PPP6R2: variants seen among roughly 807,000 people sequenced by gnomAD.
The protein encoded by PPP6R2 is serine/threonine-protein phosphatase 6 regulatory subunit 2.
Under a neutral mutation model 100.2 loss-of-function variants are expected in PPP6R2, and 62 were observed. That is an observed-to-expected ratio of 0.62 (90% confidence interval 0.50 to 0.76). The LOEUF is 0.76. PPP6R2 is among the 30% of genes least tolerant of loss of function. The pLI is 0.00. For synonymous variants in PPP6R2, 525 were observed against 514.7 expected (o/e 1.02, Z -0.27); for missense variants, 1,142 against 1,276.3 (o/e 0.89, Z 1.60).
chr22:50,365,952 A>C (rs1248010642), intron 1 of PPP6R2, among the ~76,000 whole-genome samples: 1 of 151,856 alleles, frequency 6.6e-6, no homozygotes, highest in Non-Finnish European at 1.5e-5. Context: ...TCCCCTCATT[A>C]TGGTTTATGA....
Position 50,423,674 on chromosome 22 carries a change from A to C in PPP6R2, c.1125+60A>C. On this transcript the variant is annotated intron_variant, in intron 10 of 23. Transcript: ENST00000612753. The surrounding 1 kb of genome is among the most constrained non-coding windows in gnomAD (Gnocchi z 4.8). ...TGAGTGTGCCGGGCATGGCCTGTGG[A>C]CTTGTCAGGAGCAGCAGAGCAGGGC... 6.3e-7 allele frequency: 1 copy of C among 1,593,438 alleles called. No homozygotes were observed.
intron 1 of PPP6R2, among the ~76,000 whole-genome samples, chr22:50,348,824 T>G (rs1187626199): frequency 6.6e-6 from 1 of 151,960 alleles, no homozygotes; most frequent in Admixed American, 6.6e-5. Context: ...TCCCAGCACT[T>G]TGGGAGGCTG....
At chr22:50,365,708 G>A (rs1048077997) in intron 1 of PPP6R2, among the ~76,000 whole-genome samples, 2 of 147,000 alleles carry the variant, frequency 1.4e-5, no homozygotes, top group African/African-American at 5.1e-5. Context: ...CCATTTAAAT[G>A]TCCTTATCAA....
intron 1 of PPP6R2, among the ~76,000 whole-genome samples, chr22:50,358,588 C>T (rs759069527): frequency 2.0e-4 from 30 of 152,146 alleles, no homozygotes; most frequent in Non-Finnish European, 3.7e-4. Flanking sequence ...GAAATTGTCA[C>T]TATAGTCAGG....
At chr22:50,350,562 T>C (rs2044826154) in intron 1 of PPP6R2, among the ~76,000 whole-genome samples, 1 of 151,532 alleles carries the variant, frequency 6.6e-6, no homozygotes, top group African/African-American at 2.4e-5. Flanking sequence ...ATAAGAAAAT[T>C]AGGCTGGGCG....
intron 15 of PPP6R2, among the ~76,000 whole-genome samples, 163 bp downstream of exon 15, chr22:50,437,231 C>G (rs1388450812): frequency 6.6e-6 from 1 of 152,204 alleles, no homozygotes; most frequent in Non-Finnish European, 1.5e-5. Context: ...GGGAGAACCC[C>G]AAAGTCACTC....
chr22:50,438,059 C>A, intron 17 of PPP6R2, 115 bp from the exon 18 acceptor site: 2 of 1,511,018 alleles, frequency 1.3e-6, no homozygotes, highest in Non-Finnish European at 1.8e-6. Context: ...CCGTCCTCCC[C>A]TCCAGCCCGG....
At position 50,436,455 on chromosome 22, in the gene PPP6R2, G is replaced by C; in HGVS notation, c.1602+3G>C. On this transcript the variant is annotated splice_donor_region_variant and intron_variant, in intron 14 of 23. Coordinates refer to ENST00000612753, the MANE Select transcript of PPP6R2 (RefSeq NM_001242898.2). ...ACCGCAGGAACACTGTGGACCTGGT[G>C]AGGAGGCTCGGGGCTGCCCCCTCGG... is the stretch of plus-strand genomic sequence containing the variant. 6.3e-7 allele frequency: 1 copy of C among 1,583,312 alleles called. No individual in the cohort carries two copies. The highest frequency in any genetic ancestry group is 2.3e-5 in the East Asian group (1 of 43,820).
intron 3 of PPP6R2, among the ~76,000 whole-genome samples, chr22:50,405,362 TGAGAGGCCTGGAGAGAGGC>T (rs1306377539): frequency 0.021 from 1,823 of 85,928 alleles, no homozygotes; most frequent in Middle Eastern, 0.056. Flanking sequence ...TGGAGAGAGG[TGAGAGGCCTGGAGAGAGGC>T]GAGAGGCCTG....
the PPP6R2 span, among the ~76,000 whole-genome samples, chr22:50,337,238 GGT>G: frequency 9.7e-5 from 13 of 134,264 alleles, no homozygotes; most frequent in Admixed American, 1.5e-4. Flanking sequence ...GTGGTGTATT[GGT>G]GTGTGTGTGT....
chr22:50,406,082 C>T (rs1379681076), intron 3 of PPP6R2, among the ~76,000 whole-genome samples: 7 of 80,178 alleles, frequency 8.7e-5, no homozygotes, highest in Middle Eastern at 0.013. Context: ...GCCTGGCAGG[C>T]GAGTGTGAAG....
intron 11 of PPP6R2, 83 bp from the exon 12 acceptor site, chr22:50,432,181 GC>G: frequency 7.8e-7 from 1 of 1,289,950 alleles, no homozygotes; most frequent in Non-Finnish European, 1.1e-6. Context: ...CCGCCAGCCA[GC>G]CCTGCCCAGT....
chr22:50,425,769 G>T (rs868800443), intron 10 of PPP6R2, among the ~76,000 whole-genome samples: 1 of 151,982 alleles, frequency 6.6e-6, no homozygotes, highest in Non-Finnish European at 1.5e-5. Flanking sequence ...CAGTGTCTCC[G>T]TGTGACAAGT....
chr22:50,403,945 C>G lies in PPP6R2; in HGVS notation c.228-2744C>G, dbSNP rs887451008. ...CCCCTCCAGCCGGTCGCGTGGACCA[C>G]CTTGGCTTAGGTCCAGTGCTAGGGC... On this transcript the variant is annotated intron_variant, in intron 3 of 23. Coordinates refer to ENST00000612753, the MANE Select transcript of PPP6R2 (RefSeq NM_001242898.2). Among the ~76,000 whole-genome samples, 6 of 152,202 alleles carry G rather than the reference C, an allele frequency of 3.9e-5. No homozygotes were observed. The East Asian group carries it at 1.2e-3, about 29-fold the overall frequency.
upstream of PPP6R2, among the ~76,000 whole-genome samples, chr22:50,338,639 TGTCTGTGGTATGTA>T (rs2042330842): frequency 7.2e-6 from 1 of 138,704 alleles, no homozygotes. Flanking sequence ...TGGTGTGTGG[TGTCTGTGGTATGTA>T]GTGTGTGTGG....
At chr22:50,389,981 T>C (rs937761330) in intron 2 of PPP6R2, among the ~76,000 whole-genome samples, 4 of 148,040 alleles carry the variant, frequency 2.7e-5, no homozygotes, top group Admixed American at 7.1e-5. Context: ...TTTTCTTTTT[T>C]CTTTTTCTTT....
At chr22:50,361,573 T>C (rs566125122) in intron 1 of PPP6R2, among the ~76,000 whole-genome samples, 1 of 152,134 alleles carries the variant, frequency 6.6e-6, no homozygotes, top group Admixed American at 6.6e-5. Flanking sequence ...CCTGCTGCTT[T>C]TTGGTGCTGT....
chr22:50,373,244 T>C lies in PPP6R2; in HGVS notation c.-17+1094T>C, dbSNP rs915864211. Among the ~76,000 whole-genome samples, 24 of 146,826 alleles carry C rather than the reference T, an allele frequency of 1.6e-4. No individual in the cohort carries two copies. The East Asian group carries it at 2.3e-3, about 14-fold the overall frequency. On this transcript the variant is annotated intron_variant, in intron 2 of 23. Coordinates refer to ENST00000612753, the MANE Select transcript of PPP6R2 (RefSeq NM_001242898.2). ...TAGAATAAATATAATTTCTTTCTTTTTTTTTTTTTTTTTTTGAGACAGAGT... is the reference window on the plus strand; with the variant it reads ...TAGAATAAATATAATTTCTTTCTTTCTTTTTTTTTTTTTTTGAGACAGAGT...
chr22:50,362,937 G>C (rs1334099428), intron 1 of PPP6R2, among the ~76,000 whole-genome samples: 2 of 152,208 alleles, frequency 1.3e-5, no homozygotes, highest in African/African-American at 4.8e-5. Context: ...AAGACACCGG[G>C]TCAGTGGAGG....
Sources: allele counts gnomAD v4.1 joint callset (sites outside exome capture counted in the v4.1 genomes callset), GRCh38; gene constraint gnomAD v4.1.1; non-coding constraint Gnocchi (gnomAD v3.1); transcripts MANE v1.5; gene names NCBI Gene and HGNC (gene_info 2026-07-23, HGNC 2026-07-21).